MAP2K3: variants seen among roughly 807,000 people sequenced by gnomAD.
The protein encoded by MAP2K3 is mitogen-activated protein kinase kinase 3.
In MAP2K3, 30 loss-of-function variants were observed where a neutral mutation model predicts 46.4. That is an observed-to-expected ratio of 0.65 (90% CI 0.48 to 0.88). MAP2K3 has a LOEUF of 0.88. Ranked by LOEUF, MAP2K3 falls within the 40% of genes least tolerant of loss-of-function variation. The probability of loss-of-function intolerance (pLI) is 0.00; values close to 1 mark genes in which losing one functional copy is unlikely to be tolerated. For synonymous variants in MAP2K3, 189 were observed against 176.3 expected, an observed-to-expected ratio of 1.07 and a Z score of -0.57; for missense variants, 380 against 464.5, an observed-to-expected ratio of 0.82 and a Z score of 1.67.
At chr17:21,293,187 C>T (rs1976039741) in intron 1 of MAP2K3, among the ~76,000 whole-genome samples, 1 of 152,252 alleles carries the variant, frequency 6.6e-6, no homozygotes. Flanking sequence ...ATGGAGGACC[C>T]AGACCGGTGA....
chr17:21,307,817 A>ACAGG (rs895467457), intron 9 of MAP2K3, among the ~76,000 whole-genome samples: 3 of 135,618 alleles, frequency 2.2e-5, no homozygotes, highest in African/African-American at 8.5e-5. Flanking sequence ...AACTGGGATT[A>ACAGG]CAGGCTCGTG....
intron 3 of MAP2K3, 112 bp from the exon 4 acceptor site, chr17:21,300,433 C>A: frequency 1.8e-6 from 2 of 1,133,202 alleles, no homozygotes; most frequent in Non-Finnish European, 2.6e-6. Flanking sequence ...GAGGTTTGAG[C>A]CCAGATCTAA....
At chr17:21,297,274 T>C (rs1976310659) in intron 1 of MAP2K3, among the ~76,000 whole-genome samples, 1 of 152,310 alleles carries the variant, frequency 6.6e-6, no homozygotes, top group Non-Finnish European at 1.5e-5. Flanking sequence ...GACTGGGGTC[T>C]TCTTGGCAGG....
chr17:21,285,245 A>G (rs1975692801), intron 1 of MAP2K3: 2 of 985,068 alleles, frequency 2.0e-6, no homozygotes, highest in Non-Finnish European at 2.4e-6. Context: ...CCAAGTCAGG[A>G]GCCTCATTCT....
intron 1 of MAP2K3, among the ~76,000 whole-genome samples, chr17:21,289,324 G>A (rs1217634306): frequency 2.6e-5 from 4 of 152,096 alleles, no homozygotes; most frequent in Non-Finnish European, 4.4e-5. Context: ...TTAACAGGAC[G>A]AATATGGGGA....
intron 5 of MAP2K3, among the ~76,000 whole-genome samples, chr17:21,301,504 G>T (rs1306320075): frequency 6.6e-6 from 1 of 152,312 alleles, no homozygotes; most frequent in African/African-American, 2.4e-5. Context: ...GCGATGCTGG[G>T]CTCATACTGG....
chr17:21,303,664 G>A (rs1282716965), intron 7 of MAP2K3, among the ~76,000 whole-genome samples: 3 of 152,312 alleles, frequency 2.0e-5, no homozygotes, highest in Non-Finnish European at 2.9e-5. Flanking sequence ...CCCACAGTGG[G>A]TTGGTTTCGC....
chr17:21,287,256 T>G lies in MAP2K3; in HGVS notation c.49+2287T>G, dbSNP rs143219688. On this transcript the variant is annotated intron_variant, in intron 1 of 11. Coordinates refer to ENST00000342679, the MANE Select transcript of MAP2K3 (RefSeq NM_145109.3). ...CAGACTGAGGCAGAGGTGATGCCTC[T>G]CCTGTGCACAGCGCTTTACACTGGG... 5.4e-3 allele frequency among the ~76,000 whole-genome samples: 826 copies of G among 152,326 alleles called. 10 individuals are homozygous for G. The highest frequency in any genetic ancestry group is 6.7e-3 in the Admixed American group (103 of 15,308).
In MAP2K3 at chr17:21,304,536, T is replaced by G. The variant is rs1258791233; in HGVS notation, c.679T>G (p.Cys227Gly). The change falls in exon 8 of 12, where the codon TGC becomes GGC. Residue 227 changes from cysteine (C) to glycine (G), a missense_variant. This residue lies in a region of MAP2K3 where 13 missense variants were observed against 32.7 expected (regional missense o/e 0.40). Transcript: ENST00000342679. ...DSVAKTMDAG[C>G]KPYMAPERIN... ...TGTGGCCAAGACGATGGATGCCGGC[T>G]GCAAGCCCTACATGGCCGTGAGTGG... 6.2e-7 allele frequency: 1 copy of G among 1,614,310 alleles called. No individual in the cohort carries two copies.
At chr17:21,300,409 G>A (rs2144568874) in intron 3 of MAP2K3, 136 bp from the exon 4 acceptor site, 4 of 856,058 alleles carry the variant, frequency 4.7e-6, no homozygotes, top group East Asian at 5.3e-5. Context: ...CACACAGCAG[G>A]GAGCGGTGGA....
intron 1 of MAP2K3, among the ~76,000 whole-genome samples, chr17:21,289,603 G>T (rs1335325821): frequency 6.6e-6 from 1 of 152,232 alleles, no homozygotes; most frequent in African/African-American, 2.4e-5. Context: ...CGCGCCTCCT[G>T]GCGCTGCCCA....
intron 9 of MAP2K3, chr17:21,311,828 G>T (rs1016877718): frequency 4.3e-6 from 1 of 232,322 alleles, no homozygotes; most frequent in Non-Finnish European, 8.3e-6. Context: ...TTCCAGAGCA[G>T]CTGGAACCTG....
intron 1 of MAP2K3, among the ~76,000 whole-genome samples, chr17:21,296,887 T>A (rs1027642747): frequency 1.3e-5 from 2 of 151,812 alleles, no homozygotes; most frequent in African/African-American, 4.8e-5. Flanking sequence ...AGGCACCCAG[T>A]GCATGTGGCG....
At chr17:21,301,133 C>A in intron 5 of MAP2K3, 140 bp downstream of exon 5, 1 of 1,424,192 alleles carries the variant, frequency 7.0e-7, no homozygotes, top group South Asian at 1.3e-5. Context: ...CGTCTCTTGG[C>A]TGTTACTGTC....
chr17:21,286,250 C>G (rs1280431199), intron 1 of MAP2K3, among the ~76,000 whole-genome samples: 1 of 152,252 alleles, frequency 6.6e-6, no homozygotes, highest in Non-Finnish European at 1.5e-5. Context: ...TTCCATTCTT[C>G]TTGCTGGAAA....
intron 1 of MAP2K3, among the ~76,000 whole-genome samples, chr17:21,286,545 G>A (rs1463495821): frequency 2.0e-5 from 3 of 152,210 alleles, no homozygotes; most frequent in African/African-American, 7.2e-5. Flanking sequence ...GGAGGCACTC[G>A]ACGGGGGAGG....
At chr17:21,296,067 T>TG (rs777611567) in intron 1 of MAP2K3, 14 of 1,289,312 alleles carry the variant, frequency 1.1e-5, no homozygotes, top group South Asian at 2.5e-5. Flanking sequence ...TAGGGCAGTT[T>TG]TTTTTTTCAC....
Position 21,302,265 on chromosome 17 carries a change from T to G in MAP2K3, c.516+6T>G, listed in dbSNP as rs1323928892. ...TTGGGGAGATTGCTGTGTCTGTGAG[T>G]GGCCTGGGTGGGCTGGCGGGGGGTC... On this transcript the variant is annotated splice_donor_region_variant and intron_variant, in intron 6 of 11. Transcript: ENST00000342679. 6.6e-7 allele frequency: 1 copy of G among 1,521,810 alleles called. No individual in the cohort carries two copies. The highest frequency in any genetic ancestry group is 9.0e-7 in the Non-Finnish European group (1 of 1,115,030). The allele number at this position is 1,521,810 out of a possible 1,614,324, so 94.3% of individuals were successfully genotyped here. A position where few individuals can be genotyped will look rare whatever the true frequency, so the allele number is the denominator to read the frequency against.
intron 1 of MAP2K3, among the ~76,000 whole-genome samples, chr17:21,294,957 T>C (rs1168201655): frequency 6.6e-6 from 1 of 152,310 alleles, no homozygotes; most frequent in African/African-American, 2.4e-5. Flanking sequence ...TGACTGGCTC[T>C]CTGAGATGGT....
Sources: allele counts gnomAD v4.1 joint callset (sites outside exome capture counted in the v4.1 genomes callset), GRCh38; gene constraint gnomAD v4.1.1; regional missense constraint gnomAD v4.1.1; transcripts MANE v1.5; gene names NCBI Gene and HGNC (gene_info 2026-07-23, HGNC 2026-07-21).